Variants in RBM26 observed in about 807,000 individuals in gnomAD.
RBM26 encodes the protein RNA-binding protein 26.
Under a neutral mutation model 123.6 loss-of-function variants are expected in RBM26, and 30 were observed. The ratio of observed to expected loss-of-function variants is 0.24; its 90% CI spans 0.18 to 0.33. RBM26 has a LOEUF of 0.33. RBM26 is among the 10% of genes least tolerant of loss of function. The pLI is 1.00. For missense variants in RBM26, 947 were observed against 1,203.6 expected, an observed-to-expected ratio of 0.79 and a Z score of 3.15; for synonymous variants, 400 against 404.4, an observed-to-expected ratio of 0.99 and a Z score of 0.13.
intron 9 of RBM26, among the ~76,000 whole-genome samples, chr13:79,361,120 G>A (rs7322756): frequency 0.51 from 76,735 of 151,892 alleles, 19,774 homozygotes; most frequent in Middle Eastern, 0.6. Flanking sequence ...TATGCAGAAC[G>A]TTCAAATTAT....
chr13:79,361,094 G>GT (rs1296656874), intron 9 of RBM26, among the ~76,000 whole-genome samples: 1 of 151,970 alleles, frequency 6.6e-6, no homozygotes, highest in Non-Finnish European at 1.5e-5. Context: ...AATCCTACAG[G>GT]TATCTCAAAA....
In RBM26 at chr13:79,355,303, C is replaced by G. The variant is rs139900399; in HGVS notation, c.1771G>C (p.Glu591Gln). The change falls in exon 12 of 22, where the codon GAA becomes CAA. Residue 591 changes from glutamate (E) to glutamine (Q), a missense_variant. Glu to Gln is a conservative substitution (Grantham distance 29, BLOSUM62 2). This residue lies in a region of RBM26 where 493 missense variants were observed against 563.1 expected (regional missense o/e 0.88). Transcript: ENST00000438737. ...EEAKKAISSTEAVLNNRFIKV... is the reference protein window; with the variant it reads ...EEAKKAISSTQAVLNNRFIKV... ...ATAAAGCGATTGTTTAATACTGCTT[C>G]CGTACTTGATATTGCTTTCTTTGCT... 2.5e-6 allele frequency: 4 copies of G among 1,613,864 alleles called. No individual in the cohort carries two copies. The African/African-American group carries it at 5.3e-5, about 22-fold the overall frequency.
chr13:79,326,430 T>G (rs185463272), intron 20 of RBM26, among the ~76,000 whole-genome samples: 3 of 152,008 alleles, frequency 2.0e-5, no homozygotes, highest in Admixed American at 6.5e-5. Flanking sequence ...GTCAAAAAGG[T>G]GAAAGTGGAC....
At chr13:79,332,437 T>A (rs993500776) in intron 20 of RBM26, among the ~76,000 whole-genome samples, 1 of 152,202 alleles carries the variant, frequency 6.6e-6, no homozygotes, top group East Asian at 1.9e-4. Context: ...CTGCTCTATA[T>A]GTATCCTGCT....
chr13:79,328,973 G>A (rs149498301), intron 20 of RBM26, among the ~76,000 whole-genome samples: 105 of 151,758 alleles, frequency 6.9e-4, no homozygotes, highest in African/African-American at 2.1e-3. Context: ...ACTATGTAGC[G>A]TACACACTAT....
chr13:79,341,382 C>T (rs187736227), intron 17 of RBM26, among the ~76,000 whole-genome samples, 155 bp from the exon 18 acceptor site: 1 of 151,980 alleles, frequency 6.6e-6, no homozygotes, highest in East Asian at 1.9e-4. Flanking sequence ...TCCACACCTC[C>T]ACAATAACTG....
intron 20 of RBM26, among the ~76,000 whole-genome samples, chr13:79,330,139 T>C (rs1044337081): frequency 3.3e-5 from 5 of 152,202 alleles, no homozygotes; most frequent in African/African-American, 1.2e-4. Flanking sequence ...TACTATAAAA[T>C]GTACACAAAA....
chr13:79,362,985 T>A (rs1194522635), intron 9 of RBM26, among the ~76,000 whole-genome samples: 1 of 152,202 alleles, frequency 6.6e-6, no homozygotes, highest in Non-Finnish European at 1.5e-5. Context: ...TGCCTAAAAT[T>A]GTCAGCACTG....
chr13:79,397,900 G>T (rs2078731429), intron 1 of RBM26, among the ~76,000 whole-genome samples: 1 of 152,004 alleles, frequency 6.6e-6, no homozygotes, highest in African/African-American at 2.4e-5. Flanking sequence ...AAAAGCATTT[G>T]TAAAACATGT....
chr13:79,373,589 CTA>C (rs1228672360), intron 3 of RBM26, among the ~76,000 whole-genome samples: 6 of 77,198 alleles, frequency 7.8e-5, no homozygotes, highest in African/African-American at 1.1e-4. Flanking sequence ...TTATATATTA[CTA>C]TATATATTTA....
rs751428340 is a variant in RBM26 at position 79,354,477 on chromosome 13, G to A, written c.1948C>T (p.Pro650Ser). ...LGPVPSSTIE[P>S]AEAQSASSDL... ...GAAGAGGCACTCTGGGCTTCTGCAG[G>A]TTCAATAGTACTTGAAGGTACTGGA... is the stretch of plus-strand genomic sequence containing the variant. The change falls in exon 13 of 22, where the codon CCT becomes TCT. Residue 650 changes from proline (P) to serine (S), a missense_variant. Physicochemically the swap from Pro to Ser is moderately conservative, Grantham distance 74. Coordinates refer to ENST00000438737, the MANE Select transcript of RBM26 (RefSeq NM_001366735.2). 3.4e-5 allele frequency: 54 copies of A among 1,603,590 alleles called. No homozygotes were observed. The highest frequency in any genetic ancestry group is 4.4e-5 in the Non-Finnish European group (52 of 1,173,010).
intron 1 of RBM26, among the ~76,000 whole-genome samples, chr13:79,393,171 C>A (rs939860536): frequency 1.3e-5 from 2 of 151,802 alleles, no homozygotes; most frequent in African/African-American, 4.8e-5. Flanking sequence ...AGTGAAACCC[C>A]TCTGAGGCAT....
At chr13:79,317,312 G>A (rs896198699), downstream of RBM26, among the ~76,000 whole-genome samples, 3 of 151,646 alleles carry the variant, frequency 2.0e-5, no homozygotes, top group African/African-American at 4.8e-5. Flanking sequence ...AACGATAACA[G>A]GGAGAACTGG....
chr13:79,378,624 G>C (rs567211046), intron 2 of RBM26, among the ~76,000 whole-genome samples, 165 bp downstream of exon 2: 1 of 152,218 alleles, frequency 6.6e-6, no homozygotes, highest in African/African-American at 2.4e-5. Context: ...ATTTTATGTA[G>C]AGACAGGGTT....
Position 79,320,289 on chromosome 13 carries a change from A to G in RBM26, c.*332T>C. 1 of 991,152 alleles carries G rather than the reference A, an allele frequency of 1.0e-6. No individual in the cohort carries two copies. Among genetic ancestry groups the G allele is most frequent in the Non-Finnish European group, 1.2e-6 (1 of 830,804 alleles). The allele number at this position is 991,152 out of a possible 1,614,324, so 61.4% of individuals were successfully genotyped here. Reference sequence around the variant, plus strand: ...GGAATAAAACAAAGTCCTCTAAGTTATAACAAGTATTGGTCATAAGTTTTC... The same window carrying G: ...GGAATAAAACAAAGTCCTCTAAGTTGTAACAAGTATTGGTCATAAGTTTTC... On this transcript the variant is annotated 3_prime_UTR_variant, in exon 22 of 22. Coordinates refer to ENST00000438737, the MANE Select transcript of RBM26 (RefSeq NM_001366735.2).
chr13:79,390,306 A>G (rs1302472312), intron 1 of RBM26, among the ~76,000 whole-genome samples: 1 of 152,186 alleles, frequency 6.6e-6, no homozygotes, highest in Admixed American at 6.5e-5. Context: ...GATATATGCA[A>G]TAATATGGAT....
At chr13:79,346,889 A>T (rs1269213307) in intron 14 of RBM26, among the ~76,000 whole-genome samples, 1 of 152,222 alleles carries the variant, frequency 6.6e-6, no homozygotes, top group African/African-American at 2.4e-5. Flanking sequence ...AGGATTCCAT[A>T]AGTTGAAAAG....
intron 11 of RBM26, among the ~76,000 whole-genome samples, chr13:79,356,058 G>GA (rs1440228710): frequency 6.6e-6 from 1 of 152,148 alleles, no homozygotes; most frequent in African/African-American, 2.4e-5. Context: ...CAGCAATACA[G>GA]AAAAGAGATT....
At chr13:79,393,009 C>A (rs956898126) in intron 1 of RBM26, among the ~76,000 whole-genome samples, 6 of 152,206 alleles carry the variant, frequency 3.9e-5, no homozygotes, top group African/African-American at 1.4e-4. Flanking sequence ...ATCAGAAGTA[C>A]CACAAGCCAC....
Sources: allele counts gnomAD v4.1 joint callset (sites outside exome capture counted in the v4.1 genomes callset), GRCh38; gene constraint gnomAD v4.1.1; regional missense constraint gnomAD v4.1.1; transcripts MANE v1.5; gene names NCBI Gene and HGNC (gene_info 2026-07-23, HGNC 2026-07-21).